Variants in SLC17A1 observed in about 807,000 individuals in gnomAD.
SLC17A1 encodes solute carrier family 17 member 1, also known as sodium-dependent phosphate transport protein 1.
Under a neutral mutation model 53.5 loss-of-function variants are expected in SLC17A1, and 51 were observed. That is an observed-to-expected ratio of 0.95 (90% CI 0.76 to 1.20). SLC17A1 has a LOEUF of 1.20. Among genes scored for constraint, SLC17A1 ranks in the 50% most tolerant of loss-of-function variants. SLC17A1 has a pLI of 0.00. For synonymous variants in SLC17A1, 179 were observed against 198.8 expected (o/e 0.90, Z 0.84); for missense variants, 538 against 568.2 (o/e 0.95, Z 0.54).
intron 6 of SLC17A1, among the ~76,000 whole-genome samples, chr6:25,816,378 C>A (rs1378871137): frequency 1.3e-5 from 2 of 152,250 alleles, no homozygotes; most frequent in Non-Finnish European, 2.9e-5. Flanking sequence ...TTGGGAAGAG[C>A]CCTGCTGGTC....
chr6:25,815,638 C>A (rs1764324686), intron 6 of SLC17A1, among the ~76,000 whole-genome samples: 1 of 152,140 alleles, frequency 6.6e-6, no homozygotes, highest in Non-Finnish European at 1.5e-5. Context: ...CTTCAAGACA[C>A]AGCTCTCCTC....
intron 3 of SLC17A1, among the ~76,000 whole-genome samples, chr6:25,821,748 TCA>T (rs1242607529): frequency 1.3e-5 from 2 of 151,520 alleles, no homozygotes; most frequent in Non-Finnish European, 3.0e-5. Flanking sequence ...AGATAAATCC[TCA>T]GTTTATATTT....
chr6:25,811,705 T>C lies in SLC17A1; in HGVS notation c.963A>G (p.Leu321=). ...AWICGNLAGQ[L]SDFFLTRNIL... is the part of the protein sequence containing the mutation. ...TATTCCTGGTCAGGAAGAAGTCTGA[T>C]AACTGACCTGCTAGGTTACCACAGA... The change falls in exon 9 of 13, where the codon TTA becomes TTG. Residue 321 remains leucine, a synonymous_variant. Transcript: ENST00000244527. The C allele has an allele frequency of 3.7e-6, 6 of 1,613,716 alleles. No homozygotes were observed. The highest frequency in any genetic ancestry group is 1.3e-5 in the African/African-American group (1 of 75,046).
chr6:25,736,804 A>G, the SLC17A1 span, among the ~76,000 whole-genome samples: 2 of 152,126 alleles, frequency 1.3e-5, no homozygotes, highest in Non-Finnish European at 2.9e-5. Context: ...TAAAATTAAC[A>G]CCCTATTATC....
intron 12 of SLC17A1, among the ~76,000 whole-genome samples, chr6:25,785,964 C>CT (rs1763373678): frequency 6.6e-6 from 1 of 152,186 alleles, no homozygotes; most frequent in Non-Finnish European, 1.5e-5. Context: ...AGCAACTCCA[C>CT]TTGTAGGTAT....
At chr6:25,795,112 A>G (rs2151477758) in intron 12 of SLC17A1, among the ~76,000 whole-genome samples, 1 of 152,310 alleles carries the variant, frequency 6.6e-6, no homozygotes, top group East Asian at 1.9e-4. Context: ...CTATGGCACT[A>G]TCCATACTGG....
At chr6:25,821,212 T>G (rs563028164) in intron 3 of SLC17A1, among the ~76,000 whole-genome samples, 162 of 152,342 alleles carry the variant, frequency 1.1e-3, no homozygotes, top group African/African-American at 3.0e-3. Flanking sequence ...ATATGTTTGT[T>G]GTCATCACTA....
At chr6:25,806,149 C>T (rs1763946174) in intron 10 of SLC17A1, among the ~76,000 whole-genome samples, 1 of 151,978 alleles carries the variant, frequency 6.6e-6, no homozygotes, top group African/African-American at 2.4e-5. Flanking sequence ...CTAACCAAAT[C>T]CAGCAGTGCA....
chr6:25,791,937 C>A (rs566777335), intron 12 of SLC17A1, among the ~76,000 whole-genome samples: 1 of 152,218 alleles, frequency 6.6e-6, no homozygotes, highest in Non-Finnish European at 1.5e-5. Flanking sequence ...AGGAATAGAG[C>A]TGTAGAGTCC....
the SLC17A1 span, among the ~76,000 whole-genome samples, chr6:25,742,128 C>G: frequency 6.6e-6 from 1 of 152,146 alleles, no homozygotes; most frequent in African/African-American, 2.4e-5. Flanking sequence ...ACAGCCAAAG[C>G]CTCTGGGCAA....
rs181892600 is a variant in SLC17A1, at chr6:25,788,534, A to G, written c.*3-5316T>C. ...TGTTCATGCAGGAGGACAGCCTGGC[A>G]TAGGATGCTGAAGCCTGACCAGGTG... On this transcript the variant is annotated intron_variant, in intron 12 of 12. Coordinates refer to ENST00000244527, the MANE Select transcript of SLC17A1 (RefSeq NM_005074.5). Among the ~76,000 whole-genome samples, 7 of 152,330 alleles carry G rather than the reference A, an allele frequency of 4.6e-5. No homozygotes were observed. In the East Asian group the frequency reaches 1.2e-3, roughly 25 times the overall value.
chr6:25,752,117 G>A, the SLC17A1 span, among the ~76,000 whole-genome samples: 29 of 152,162 alleles, frequency 1.9e-4, no homozygotes, highest in African/African-American at 6.0e-4. Context: ...AACACGCGAC[G>A]CTTAACCATA....
At chr6:25,732,088 C>T in the SLC17A1 span, 2 of 1,022,120 alleles carry the variant, frequency 2.0e-6, no homozygotes, top group Non-Finnish European at 2.7e-6. Context: ...TTTTTGTCCT[C>T]CTTCGAGTTT....
At chr6:25,733,050 G>A in the SLC17A1 span, among the ~76,000 whole-genome samples, 1 of 152,160 alleles carries the variant, frequency 6.6e-6, no homozygotes, top group African/African-American at 2.4e-5. Flanking sequence ...GGTTATTGGG[G>A]TATCCGAAGC....
the SLC17A1 span, chr6:25,773,437 A>T: frequency 6.2e-7 from 1 of 1,612,430 alleles, no homozygotes; most frequent in African/African-American, 1.3e-5. Flanking sequence ...GTCCCTCTAG[A>T]CGTCTGAGAG....
chr6:25,768,897 C>A, the SLC17A1 span: 1 of 1,213,782 alleles, frequency 8.2e-7, no homozygotes, highest in Non-Finnish European at 1.2e-6. Context: ...GCATCTCAGA[C>A]AGATACCAAT....
At chr6:25,735,470 T>C in the SLC17A1 span, among the ~76,000 whole-genome samples, 5 of 152,300 alleles carry the variant, frequency 3.3e-5, no homozygotes, top group South Asian at 8.3e-4. Flanking sequence ...GGAACTGTCT[T>C]ACTGCTGTAA....
intron 6 of SLC17A1, among the ~76,000 whole-genome samples, chr6:25,813,907 A>G (rs975776263): frequency 1.3e-5 from 2 of 152,228 alleles, no homozygotes; most frequent in Non-Finnish European, 2.9e-5. Flanking sequence ...CCTGCAAAGG[A>G]CACGATCTCC....
intron 12 of SLC17A1, among the ~76,000 whole-genome samples, chr6:25,783,690 G>A (rs1267113945): frequency 6.6e-6 from 1 of 152,030 alleles, no homozygotes; most frequent in African/African-American, 2.4e-5. Context: ...GCGATAATAA[G>A]ACATACCTTT....
Sources: allele counts gnomAD v4.1 joint callset (sites outside exome capture counted in the v4.1 genomes callset), GRCh38; gene constraint gnomAD v4.1.1; transcripts MANE v1.5; gene names NCBI Gene and HGNC (gene_info 2026-07-23, HGNC 2026-07-21).